Variants in HYDIN observed in about 807,000 individuals in gnomAD.
The protein encoded by HYDIN is axonemal central pair apparatus protein HYDIN.
In HYDIN, 132 loss-of-function variants were observed where a neutral mutation model predicts 403.9. That is an observed-to-expected ratio of 0.33 (90% CI 0.28 to 0.38). The LOEUF (loss-of-function observed/expected upper bound fraction) is 0.38, where lower values mean the gene tolerates loss of function less well. HYDIN is among the 10% of genes least tolerant of loss of function. The pLI, the probability that HYDIN is intolerant of heterozygous loss-of-function variation, is 1.00. For synonymous variants in HYDIN, 1,202 were observed against 1,891.7 expected (o/e 0.64, Z 9.46); for missense variants, 2,827 against 5,009.5 (o/e 0.56, Z 13.15).
At chr16:71,161,955 C>T (rs1297807320) in intron 6 of HYDIN, among the ~76,000 whole-genome samples, 1 of 137,656 alleles carries the variant, frequency 7.3e-6, no homozygotes. Flanking sequence ...GGCTGGTATA[C>T]TTTTCCCCAT....
At chr16:71,174,896 T>C (rs2086605528) in intron 5 of HYDIN, among the ~76,000 whole-genome samples, 1 of 152,208 alleles carries the variant, frequency 6.6e-6, no homozygotes, top group Non-Finnish European at 1.5e-5. Context: ...ATTATCTCTA[T>C]GTTTGAGTCT....
chr16:71,053,271 C>G (rs1301624255), intron 18 of HYDIN, among the ~76,000 whole-genome samples: 5 of 152,108 alleles, frequency 3.3e-5, no homozygotes, highest in African/African-American at 1.2e-4. Context: ...TTGGCAACAT[C>G]TAATGAGGTT....
At chr16:70,904,450 T>A (rs1276899771) in intron 50 of HYDIN, among the ~76,000 whole-genome samples, 1 of 123,292 alleles carries the variant, frequency 8.1e-6, no homozygotes, top group Non-Finnish European at 1.7e-5. Flanking sequence ...CCTGCTTATA[T>A]CCCTGAGAGA....
chr16:71,007,154 T>C (rs2079915046), intron 23 of HYDIN, among the ~76,000 whole-genome samples: 1 of 151,938 alleles, frequency 6.6e-6, no homozygotes, highest in Non-Finnish European at 1.5e-5. Flanking sequence ...ATCACAATAA[T>C]AACAGTGTTT....
In HYDIN at chr16:70,837,671, C is replaced by A. The variant is rs774969860; in HGVS notation, c.13242+19G>T. 1 of 1,613,656 alleles carries A rather than the reference C, an allele frequency of 6.2e-7. No individual in the cohort carries two copies. The highest frequency in any genetic ancestry group is 2.2e-5 in the East Asian group (1 of 44,872). ...GAAAGGAGGGTGCCACGCCTGAAGG[C>A]CTCCCGACTGTCTGTTACCTTCATT... On this transcript the variant is annotated intron_variant, in intron 77 of 85. Transcript: ENST00000393567.
intron 23 of HYDIN, among the ~76,000 whole-genome samples, chr16:71,005,409 C>T (rs1013200100): frequency 6.6e-6 from 1 of 152,050 alleles, no homozygotes; most frequent in Non-Finnish European, 1.5e-5. Context: ...TGTTCTCTCT[C>T]TCCTTTTGCT....
chr16:71,069,848 C>A (rs74025784), intron 13 of HYDIN, among the ~76,000 whole-genome samples: 1 of 152,166 alleles, frequency 6.6e-6, no homozygotes, highest in Non-Finnish European at 1.5e-5. Flanking sequence ...AGTAGTCTTG[C>A]GGAAGTATAT....
At chr16:71,099,861 G>A (rs1597779155) in intron 10 of HYDIN, among the ~76,000 whole-genome samples, 1 of 152,168 alleles carries the variant, frequency 6.6e-6, no homozygotes, top group South Asian at 2.1e-4. Flanking sequence ...AAGTTAGCCA[G>A]GCATCATGGA....
intron 28 of HYDIN, among the ~76,000 whole-genome samples, chr16:70,981,818 C>T (rs2079053094): frequency 6.6e-6 from 1 of 151,974 alleles, no homozygotes; most frequent in African/African-American, 2.4e-5. Context: ...GGAGAAAAGT[C>T]ACTAAAAATG....
At chr16:71,041,323 A>C (rs2081280009) in intron 18 of HYDIN, among the ~76,000 whole-genome samples, 1 of 150,470 alleles carries the variant, frequency 6.6e-6, no homozygotes, top group Non-Finnish European at 1.5e-5. Flanking sequence ...AGAATTCACA[A>C]GATGTATCGA....
intron 18 of HYDIN, among the ~76,000 whole-genome samples, chr16:71,039,857 C>G (rs559277074): frequency 6.6e-6 from 1 of 152,374 alleles, no homozygotes; most frequent in South Asian, 2.1e-4. Flanking sequence ...GGCTGTCACA[C>G]TGGCCCTTTG....
chr16:71,081,036 C>T (rs1336909912), intron 12 of HYDIN: 1 of 151,452 alleles, frequency 6.6e-6, no homozygotes, highest in Non-Finnish European at 1.5e-5. Context: ...GCCCTGCCAA[C>T]ACTGATTTTA....
chr16:70,892,987 G>T (rs751394831), intron 55 of HYDIN, among the ~76,000 whole-genome samples: 1 of 152,178 alleles, frequency 6.6e-6, no homozygotes, highest in Non-Finnish European at 1.5e-5. Flanking sequence ...TACTGGAGGT[G>T]AGGCAAGAAC....
intron 10 of HYDIN, chr16:71,113,668 A>G (rs2083913068): frequency 6.8e-6 from 1 of 147,404 alleles, no homozygotes; most frequent in African/African-American, 2.5e-5. Context: ...ATCACAGCTC[A>G]CTGCAGCCTC....
At chr16:70,984,536 G>C (rs1426770502) in intron 28 of HYDIN, among the ~76,000 whole-genome samples, 1 of 150,894 alleles carries the variant, frequency 6.6e-6, no homozygotes, top group Admixed American at 6.6e-5. Context: ...GGGACAAACA[G>C]AGCAATGAAG....
chr16:71,207,765 C>T (rs9935311), intron 1 of HYDIN, among the ~76,000 whole-genome samples: 54,635 of 151,802 alleles, frequency 0.36, 10,245 homozygotes, highest in East Asian at 0.57. Flanking sequence ...AAAGCAGAGG[C>T]TGCAATACTA....
intron 60 of HYDIN, among the ~76,000 whole-genome samples, chr16:70,880,467 T>C (rs1455816951): frequency 6.6e-6 from 1 of 151,380 alleles, no homozygotes; most frequent in African/African-American, 2.4e-5. Flanking sequence ...GAGAGAGACA[T>C]GTGGCTCTTG....
At chr16:70,962,384 T>C (rs996966510) in intron 37 of HYDIN, among the ~76,000 whole-genome samples, 77 of 151,402 alleles carry the variant, frequency 5.1e-4, no homozygotes, top group Middle Eastern at 6.8e-3. Flanking sequence ...GCTTAGAAAA[T>C]GTGGAAAACT....
At position 70,802,647 on chromosome 16, in the gene HYDIN, A is replaced by G. The variant is rs977384562; in HGVS notation, c.*4933T>C. 3.9e-5 allele frequency: 6 copies of G among 152,212 alleles called. No individual in the cohort carries two copies. In the East Asian group the frequency reaches 1.2e-3, roughly 29 times the overall value. The allele number at this position is 152,212 out of a possible 1,614,324, so 9.4% of individuals were successfully genotyped here. ...ACCCTGAGCTGAGAATCCAGTTCAC[A>G]CTGGGCTCTCAACCCATGGAAACTG... On this transcript the variant is annotated 3_prime_UTR_variant, in exon 86 of 86. Coordinates refer to ENST00000393567, the MANE Select transcript of HYDIN (RefSeq NM_001270974.2).
Sources: gnomAD v4.1 joint callset for allele counts (sites outside exome capture counted in the v4.1 genomes callset) on GRCh38, gnomAD v4.1.1 for gene constraint, MANE v1.5 for transcripts, NCBI Gene and HGNC (gene_info 2026-07-23, HGNC 2026-07-21) for gene names.